The following UGT2A2 variants were observed in gnomAD, a reference collection of about 807,000 sequenced individuals.
UGT2A2 encodes the protein UDP glucuronosyltransferase family 2 member A2.
Under a neutral mutation model 50.7 loss-of-function variants are expected in UGT2A2, and 60 were observed. The ratio of observed to expected loss-of-function variants is 1.18; its 90% CI spans 0.96 to 1.47. The LOEUF (loss-of-function observed/expected upper bound fraction) is 1.47, where lower values mean the gene tolerates loss of function less well. Among genes scored for constraint, UGT2A2 ranks in the 40% most tolerant of loss-of-function variants. The pLI, the probability that UGT2A2 is intolerant of heterozygous loss-of-function variation, is 0.00. For missense variants in UGT2A2, 762 were observed against 634.0 expected (o/e 1.20, Z -2.17); for synonymous variants, 242 against 214.6 (o/e 1.13, Z -1.11).
chr4:69,630,960 C>G (rs1721347458), intron 1 of UGT2A2, among the ~76,000 whole-genome samples: 1 of 152,098 alleles, frequency 6.6e-6, no homozygotes, highest in Non-Finnish European at 1.5e-5. Context: ...AACAATACTA[C>G]TTAAATGTTA....
chr4:69,594,438 A>G, intron 5 of UGT2A2, 39 bp downstream of exon 5: 1 of 1,603,726 alleles, frequency 6.2e-7, no homozygotes, highest in Non-Finnish European at 8.5e-7. Context: ...GAATAATGTA[A>G]TTAAAGTTAG....
At chr4:69,607,152 T>A (rs1259129382) in intron 1 of UGT2A2, among the ~76,000 whole-genome samples, 1 of 148,064 alleles carries the variant, frequency 6.8e-6, no homozygotes, top group South Asian at 2.2e-4. Flanking sequence ...GGCATCACAC[T>A]ACCTGACTTC....
intron 1 of UGT2A2, among the ~76,000 whole-genome samples, chr4:69,608,384 C>T (rs1040666159): frequency 5.1e-5 from 7 of 137,916 alleles, no homozygotes; most frequent in African/African-American, 1.6e-4. Flanking sequence ...AACATATGGA[C>T]ACAGGAAGGG....
At chr4:69,596,679 G>T (rs1292088994) in intron 2 of UGT2A2, among the ~76,000 whole-genome samples, 2 of 152,088 alleles carry the variant, frequency 1.3e-5, no homozygotes, top group Admixed American at 6.5e-5. Flanking sequence ...ATGCCATCGT[G>T]TCTGGCTGAG....
At position 69,589,508 on chromosome 4, in the gene UGT2A2, C is replaced by T; in HGVS notation, c.1475G>A (p.Trp492Ter). Reference protein sequence around the residue: ...HLRVAAHDLTWFQYHSLDVIG... With the variant: ...HLRVAAHDLT ...TACATCCAAAGAGTGGTACTGGAAC[C>T]AGGTGAGGTCATGGGCTGCAACCCG... The change falls in exon 6 of 6, where the codon TGG becomes TAG. Residue 492 changes from tryptophan to a stop codon, truncating the protein, a stop_gained. Coordinates refer to ENST00000604629, the MANE Select transcript of UGT2A2 (RefSeq NM_001105677.2). LOFTEE classifies it high-confidence loss of function. 2 of 1,614,056 alleles carry T rather than the reference C, an allele frequency of 1.2e-6. No individual in the cohort carries two copies. The highest frequency in any genetic ancestry group is 1.7e-6 in the Non-Finnish European group (2 of 1,179,998).
intron 1 of UGT2A2, among the ~76,000 whole-genome samples, chr4:69,606,061 T>G (rs1719591939): frequency 7.3e-6 from 1 of 136,808 alleles, no homozygotes; most frequent in African/African-American, 3.0e-5. Context: ...GAATCCTCCT[T>G]AAATCATTTT....
chr4:69,605,636 T>C (rs1719562312), intron 1 of UGT2A2, among the ~76,000 whole-genome samples: 1 of 136,480 alleles, frequency 7.3e-6, no homozygotes, highest in African/African-American at 3.0e-5. Flanking sequence ...ATCCAGGAGC[T>C]GGTTTTTTGA....
chr4:69,612,411 T>C (rs1279229607), intron 1 of UGT2A2, among the ~76,000 whole-genome samples: 1 of 151,982 alleles, frequency 6.6e-6, no homozygotes, highest in Non-Finnish European at 1.5e-5. Context: ...CTAAAATTTA[T>C]ATGGAACCAA....
chr4:69,622,328 G>A (rs1194048908), intron 1 of UGT2A2, among the ~76,000 whole-genome samples: 2 of 151,534 alleles, frequency 1.3e-5, no homozygotes, highest in African/African-American at 2.4e-5. Context: ...AAAAGTTAGA[G>A]ATCAAAACAT....
chr4:69,611,252 C>T (rs559151699), intron 1 of UGT2A2, among the ~76,000 whole-genome samples: 13 of 116,232 alleles, frequency 1.1e-4, no homozygotes, highest in East Asian at 9.4e-4. Flanking sequence ...TTCAAGCAAT[C>T]CTCCTACCTC....
intron 1 of UGT2A2, among the ~76,000 whole-genome samples, chr4:69,619,909 C>T (rs6824830): frequency 0.79 from 119,544 of 151,914 alleles, 47,161 homozygotes; most frequent in South Asian, 0.85. Context: ...CACAAGATTA[C>T]CTCAATAGGC....
Position 69,607,005 on chromosome 4 carries a change from A to G in UGT2A2, c.743-7611T>C, listed in dbSNP as rs1307622752. ...ATGGCCATACTGCCCAAGGTCATTT[A>G]TAGATTCAATGCCATCCCCATCAAA... is the stretch of plus-strand genomic sequence containing the variant. On this transcript the variant is annotated intron_variant, in intron 1 of 5. Coordinates refer to ENST00000604629, the MANE Select transcript of UGT2A2 (RefSeq NM_001105677.2). Among the ~76,000 whole-genome samples the G allele has an allele frequency of 1.1e-4, 15 of 136,546 alleles. 3 individuals carry two copies. Among genetic ancestry groups the G allele is most frequent in the Admixed American group, 1.0e-3 (14 of 13,904 alleles). The allele number at this position is 136,546 out of a possible 152,430, so 89.6% of individuals were successfully genotyped here.
chr4:69,609,537 A>T (rs565152316), intron 1 of UGT2A2, among the ~76,000 whole-genome samples: 7 of 152,098 alleles, frequency 4.6e-5, no homozygotes, highest in Admixed American at 1.3e-4. Flanking sequence ...TTATATCTCA[A>T]TACAACTGTT....
intron 1 of UGT2A2, among the ~76,000 whole-genome samples, chr4:69,625,026 TA>T (rs1720963322): frequency 2.6e-5 from 4 of 151,294 alleles, no homozygotes; most frequent in Admixed American, 2.6e-4. Flanking sequence ...CCTTTATTTT[TA>T]AAATTAAATT....
rs1720476640 is a variant in UGT2A2, at chr4:69,617,572, A to G, written c.743-18178T>C. 3.3e-5 allele frequency among the ~76,000 whole-genome samples: 5 copies of G among 152,020 alleles called. No homozygotes were observed. In the South Asian group the frequency reaches 1.0e-3, roughly 32 times the overall value. On this transcript the variant is annotated intron_variant, in intron 1 of 5. Coordinates refer to ENST00000604629, the MANE Select transcript of UGT2A2 (RefSeq NM_001105677.2). The stretch of plus-strand genomic sequence containing the variant: ...ACTAGTTTCCTTCATATTCAGGAAG[A>G]AAGACTGTTTCAAATTAGGGCTAGT...
Position 69,588,926 on chromosome 4 carries a change from G to A in UGT2A2, c.*446C>T, listed in dbSNP as rs1718413301. ...TTCTCATAACACACTACTCTCCTAC[G>A]GTGGCTCCCTGATTTGTTTGGTATA... On this transcript the variant is annotated 3_prime_UTR_variant, in exon 6 of 6. Coordinates refer to ENST00000604629, the MANE Select transcript of UGT2A2 (RefSeq NM_001105677.2). The A allele has an allele frequency of 6.5e-6, 1 of 153,338 alleles. No homozygotes were observed. The highest frequency in any genetic ancestry group is 6.4e-5 in the Admixed American group (1 of 15,520). 9.5% of individuals were successfully genotyped at this position (153,338 alleles called of 1,614,324 possible). A position where few individuals can be genotyped will look rare whatever the true frequency, so the allele number is the denominator to read the frequency against.
At chr4:69,617,493 A>G (rs1273361409) in intron 1 of UGT2A2, among the ~76,000 whole-genome samples, 1 of 151,976 alleles carries the variant, frequency 6.6e-6, no homozygotes, top group Admixed American at 6.6e-5. Flanking sequence ...GTACAAAACC[A>G]AGATGAACAC....
intron 5 of UGT2A2, 38 bp downstream of exon 5, chr4:69,594,439 T>A: frequency 1.2e-6 from 2 of 1,603,814 alleles, no homozygotes; most frequent in Non-Finnish European, 1.7e-6. Flanking sequence ...AATAATGTAA[T>A]TAAAGTTAGG....
At chr4:69,616,057 G>T (rs1269402113) in intron 1 of UGT2A2, among the ~76,000 whole-genome samples, 1 of 151,964 alleles carries the variant, frequency 6.6e-6, no homozygotes, top group Non-Finnish European at 1.5e-5. Context: ...CCCGTCATTT[G>T]CAATAACTTG....
Sources: gnomAD v4.1 joint callset for allele counts (sites outside exome capture counted in the v4.1 genomes callset) on GRCh38, gnomAD v4.1.1 for gene constraint, MANE v1.5 for transcripts, NCBI Gene and HGNC (gene_info 2026-07-23, HGNC 2026-07-21) for gene names.